Variants in PRDM5 observed in about 807,000 individuals in gnomAD.
The protein encoded by PRDM5 is PR/SET domain 5.
In PRDM5, 56 loss-of-function variants were observed where a neutral mutation model predicts 81.2. The ratio of observed to expected loss-of-function variants is 0.69; its 90% CI spans 0.56 to 0.86. The LOEUF (loss-of-function observed/expected upper bound fraction) is 0.86. Among genes scored for constraint, PRDM5 ranks in the 40% least tolerant of loss-of-function variants. PRDM5 has a pLI of 0.00. For synonymous variants in PRDM5, 267 were observed against 256.4 expected (o/e 1.04, Z -0.39); for missense variants, 697 against 770.1 (o/e 0.91, Z 1.12).
Position 120,790,605 on chromosome 4 carries a change from A to C in PRDM5, c.1189-5514T>G, listed in dbSNP as rs184045244. Reference sequence around the variant, plus strand: ...AGATTCCTAAAGTTCAAAGAGACAAACAACAAGGGAGCAATTTTAGTCCTA... The same window carrying C: ...AGATTCCTAAAGTTCAAAGAGACAACCAACAAGGGAGCAATTTTAGTCCTA... On this transcript the variant is annotated intron_variant, in intron 10 of 15. Transcript: ENST00000264808. 1.4e-3 allele frequency among the ~76,000 whole-genome samples: 220 copies of C among 152,310 alleles called. 2 individuals are homozygous for C. Among genetic ancestry groups the C allele is most frequent in the African/African-American group, 4.9e-3 (204 of 41,574 alleles).
chr4:120,695,225 C>T lies in PRDM5; in HGVS notation c.1779G>A (p.Met593Ile). 1 of 1,613,568 alleles carries T rather than the reference C, an allele frequency of 6.2e-7. No homozygotes were observed. The highest frequency in any genetic ancestry group is 8.5e-7 in the Non-Finnish European group (1 of 1,179,660). ...SLKKMLIRHK[M>I]THNPNRPLAE... ...CCAGGGGACGATTGGGATTATGAGT[C>T]ATCTTGTGTCGAATCAGCATTTTCT... The change falls in exon 16 of 16, where the codon ATG becomes ATA. Residue 593 changes from methionine to isoleucine, a missense_variant. Met to Ile is a conservative substitution (Grantham distance 10). This residue lies in a region of PRDM5 where 86 missense variants were observed against 135.2 expected (regional missense o/e 0.64). Transcript: ENST00000264808.
intron 3 of PRDM5, among the ~76,000 whole-genome samples, chr4:120,834,994 T>G (rs1437869069): frequency 1.3e-5 from 2 of 152,218 alleles, no homozygotes; most frequent in Non-Finnish European, 2.9e-5. Flanking sequence ...CACATAATCC[T>G]TCAATGTCAA....
chr4:120,818,249 C>T lies in PRDM5; in HGVS notation c.650+104G>A, dbSNP rs560416297. ...CATTCACACACAAAACATGCGCGTG[C>T]GCGCGTGCACACACACACACACAGG... On this transcript the variant is annotated intron_variant, in intron 5 of 15. Coordinates refer to ENST00000264808, the MANE Select transcript of PRDM5 (RefSeq NM_018699.4). The T allele has an allele frequency of 1.6e-4, 188 of 1,212,676 alleles. 1 individual carries two copies. The highest frequency in any genetic ancestry group is 1.2e-3 in the South Asian group (94 of 77,406). The allele number at this position is 1,212,676 out of a possible 1,614,324, so 75.1% of individuals were successfully genotyped here.
At chr4:120,866,305 T>C (rs899046218) in intron 2 of PRDM5, among the ~76,000 whole-genome samples, 2 of 152,246 alleles carry the variant, frequency 1.3e-5, no homozygotes, top group African/African-American at 4.8e-5. Flanking sequence ...TCTGAGAGAT[T>C]CTCACATGAG....
intron 13 of PRDM5, among the ~76,000 whole-genome samples, chr4:120,772,212 C>T (rs1008671713): frequency 4.6e-5 from 7 of 152,150 alleles, no homozygotes; most frequent in African/African-American, 1.7e-4. Flanking sequence ...CTCATGAGAA[C>T]TCAGAGTCCC....
chr4:120,754,192 T>C (rs1744394682), intron 14 of PRDM5, among the ~76,000 whole-genome samples: 1 of 145,672 alleles, frequency 6.9e-6, no homozygotes, highest in East Asian at 2.0e-4. Flanking sequence ...GCTGACAAAC[T>C]TGCAGACTCT....
intron 14 of PRDM5, among the ~76,000 whole-genome samples, chr4:120,753,262 T>G (rs530949703): frequency 6.6e-6 from 1 of 152,324 alleles, no homozygotes; most frequent in African/African-American, 2.4e-5. Flanking sequence ...ACCTCTTTCA[T>G]AATACTCATT....
At chr4:120,732,804 G>A (rs1740460837) in intron 14 of PRDM5, among the ~76,000 whole-genome samples, 1 of 152,136 alleles carries the variant, frequency 6.6e-6, no homozygotes, top group African/African-American at 2.4e-5. Flanking sequence ...GCTATAACTA[G>A]CTATACCCAG....
Position 120,693,121 on chromosome 4 carries a change from G to A in PRDM5, c.*1990C>T. On this transcript the variant is annotated 3_prime_UTR_variant, in exon 16 of 16. Coordinates refer to ENST00000264808, the MANE Select transcript of PRDM5 (RefSeq NM_018699.4). Reference sequence around the variant, plus strand: ...AAAGCCCAGCACCTCTTGCCTGTCTGTTTACTCCACAGCATAGCGACACCA... The same window carrying A: ...AAAGCCCAGCACCTCTTGCCTGTCTATTTACTCCACAGCATAGCGACACCA... 6.6e-6 allele frequency: 1 copy of A among 151,990 alleles called. No individual in the cohort carries two copies. The highest frequency in any genetic ancestry group is 2.1e-4 in the South Asian group (1 of 4,814). The allele number at this position is 151,990 out of a possible 1,614,324, so 9.4% of individuals were successfully genotyped here. A position where few individuals can be genotyped will look rare whatever the true frequency, so the allele number is the denominator to read the frequency against.
At chr4:120,914,317 G>C (rs1340514867) in intron 1 of PRDM5, among the ~76,000 whole-genome samples, 2 of 151,772 alleles carry the variant, frequency 1.3e-5, no homozygotes, top group African/African-American at 4.8e-5. Context: ...ACTACGAACA[G>C]ATAAAAATAT....
rs556534903 is a variant in PRDM5, at chr4:120,892,132, T to C, written c.177+15342A>G. Among the ~76,000 whole-genome samples, 4 of 152,336 alleles carry C rather than the reference T, an allele frequency of 2.6e-5. No homozygotes were observed. In the East Asian group the frequency reaches 5.8e-4, roughly 22 times the overall value. ...GTTGTGTGGCTTTGAGTGATTTTGT[T>C]TGTATTAATTTCTACTTGCATCGCA... On this transcript the variant is annotated intron_variant, in intron 2 of 15. Transcript: ENST00000264808.
intron 15 of PRDM5, among the ~76,000 whole-genome samples, chr4:120,700,168 CA>C (rs1273577687): frequency 1.4e-4 from 22 of 152,174 alleles, no homozygotes; most frequent in African/African-American, 5.1e-4. Flanking sequence ...TGATCTTTGA[CA>C]AGGTTGACAA....
intron 14 of PRDM5, among the ~76,000 whole-genome samples, chr4:120,739,893 C>A (rs1370411127): frequency 6.6e-6 from 1 of 151,832 alleles, no homozygotes; most frequent in African/African-American, 2.4e-5. Flanking sequence ...GGCACTCTGC[C>A]AAGTGGGTTG....
chr4:120,687,910 C>T (rs1344287782), downstream of PRDM5, among the ~76,000 whole-genome samples: 1 of 152,166 alleles, frequency 6.6e-6, no homozygotes, highest in African/African-American at 2.4e-5. Context: ...ACATCCAGAA[C>T]TGTGAGCAAT....
At chr4:120,803,795 C>A (rs1342678153) in intron 8 of PRDM5, among the ~76,000 whole-genome samples, 6 of 152,178 alleles carry the variant, frequency 3.9e-5, no homozygotes, top group Non-Finnish European at 5.9e-5. Flanking sequence ...ACTGCATCAA[C>A]TAACGAGCAA....
At chr4:120,817,075 C>A in intron 5 of PRDM5, 151 bp from the exon 6 acceptor site, 1 of 680,584 alleles carries the variant, frequency 1.5e-6, no homozygotes, top group Non-Finnish European at 2.6e-6. Flanking sequence ...AGTACCTTAA[C>A]TATAAGCTCT....
rs1011046327 is a variant in PRDM5, at chr4:120,699,700, C to T, written c.1729-4425G>A. 2.0e-5 allele frequency among the ~76,000 whole-genome samples: 3 copies of T among 152,230 alleles called. No individual in the cohort carries two copies. The East Asian group carries it at 5.8e-4, about 29-fold the overall frequency. The stretch of plus-strand genomic sequence containing the variant: ...CACATACAAAAAGTACTTAGGAATA[C>T]ATCTAACCAAGGTGGTGAAAGATCT... On this transcript the variant is annotated intron_variant, in intron 15 of 15. Coordinates refer to ENST00000264808, the MANE Select transcript of PRDM5 (RefSeq NM_018699.4).
chr4:120,907,382 C>A, intron 2 of PRDM5, 92 bp downstream of exon 2: 80 of 899,490 alleles, frequency 8.9e-5, no homozygotes, highest in Non-Finnish European at 1.2e-4. Context: ...AAATACTTAA[C>A]TGGAATCAAT....
intron 2 of PRDM5, among the ~76,000 whole-genome samples, chr4:120,874,065 C>CAT (rs1762110604): frequency 1.3e-5 from 2 of 152,208 alleles, no homozygotes; most frequent in South Asian, 4.1e-4. Flanking sequence ...GGGTAATTAA[C>CAT]ATATACATCA....
Sources: gnomAD v4.1 joint callset for allele counts (sites outside exome capture counted in the v4.1 genomes callset) on GRCh38, gnomAD v4.1.1 for gene constraint, gnomAD v4.1.1 regional missense constraint, MANE v1.5 for transcripts, NCBI Gene and HGNC (gene_info 2026-07-23, HGNC 2026-07-21) for gene names.